KCNIP4: variants seen among roughly 807,000 people sequenced by gnomAD.
KCNIP4 encodes the protein potassium voltage-gated channel interacting protein 4, also known as Kv channel-interacting protein 4.
In KCNIP4, 12 loss-of-function variants were observed where a neutral mutation model predicts 34.0. That is an observed-to-expected ratio of 0.35 (90% CI 0.23 to 0.57). The LOEUF (loss-of-function observed/expected upper bound fraction) is 0.57, where lower values mean the gene tolerates loss of function less well. Ranked by LOEUF, KCNIP4 falls within the 20% of genes least tolerant of loss-of-function variation. The probability of loss-of-function intolerance (pLI) is 0.83; values close to 1 mark genes in which losing one functional copy is unlikely to be tolerated. For synonymous variants in KCNIP4, 124 were observed against 102.2 expected, an observed-to-expected ratio of 1.21 and a Z score of -1.29; for missense variants, 238 against 311.7, an observed-to-expected ratio of 0.76 and a Z score of 1.78.
chr4:20,937,562 A>T (rs1048764099), intron 1 of KCNIP4, among the ~76,000 whole-genome samples: 1 of 152,070 alleles, frequency 6.6e-6, no homozygotes, highest in Non-Finnish European at 1.5e-5. Context: ...AGCTTTTGAT[A>T]TTTGATACTG....
intron 1 of KCNIP4, among the ~76,000 whole-genome samples, chr4:21,548,567 C>T (rs2109011674): frequency 7.5e-6 from 1 of 133,456 alleles, no homozygotes; most frequent in East Asian, 2.2e-4. Context: ...GTTCTATTCA[C>T]TCTGAAGTCT....
At chr4:20,981,666 T>C (rs1736080002) in intron 1 of KCNIP4, among the ~76,000 whole-genome samples, 1 of 152,226 alleles carries the variant, frequency 6.6e-6, no homozygotes, top group African/African-American at 2.4e-5. Context: ...TAGTATTTCC[T>C]AACATGTATT....
At chr4:21,428,032 G>T (rs1179158422) in intron 1 of KCNIP4, among the ~76,000 whole-genome samples, 1 of 152,134 alleles carries the variant, frequency 6.6e-6, no homozygotes, top group South Asian at 2.1e-4. Context: ...GTAAAGGAGA[G>T]AGTATTTTTT....
At chr4:21,890,820 G>C (rs975911737) in intron 1 of KCNIP4, among the ~76,000 whole-genome samples, 4 of 152,114 alleles carry the variant, frequency 2.6e-5, no homozygotes, top group Non-Finnish European at 4.4e-5. Context: ...TTTCAATAGT[G>C]ATGGTACAAT....
At chr4:20,913,076 C>T (rs1027194635) in intron 1 of KCNIP4, among the ~76,000 whole-genome samples, 4 of 152,008 alleles carry the variant, frequency 2.6e-5, no homozygotes, top group Non-Finnish European at 4.4e-5. Flanking sequence ...AAAACTTGTA[C>T]ACAAATGTTC....
intron 1 of KCNIP4, among the ~76,000 whole-genome samples, chr4:21,383,069 T>C (rs888347683): frequency 6.6e-6 from 1 of 152,152 alleles, no homozygotes; most frequent in African/African-American, 2.4e-5. Context: ...AGAAGAAATC[T>C]GGACACATAA....
At chr4:21,438,116 A>G (rs1210356309) in intron 1 of KCNIP4, among the ~76,000 whole-genome samples, 1 of 152,114 alleles carries the variant, frequency 6.6e-6, no homozygotes, top group South Asian at 2.1e-4. Flanking sequence ...TTAAAGGCAA[A>G]GTTTCTGTCT....
intron 1 of KCNIP4, among the ~76,000 whole-genome samples, chr4:21,448,964 C>T (rs1202668218): frequency 3.3e-5 from 5 of 152,178 alleles, no homozygotes; most frequent in Non-Finnish European, 1.5e-5. Flanking sequence ...GGTTATTGGA[C>T]TTCCAAATTC....
At chr4:20,928,072 C>A (rs1730074031) in intron 1 of KCNIP4, among the ~76,000 whole-genome samples, 1 of 151,870 alleles carries the variant, frequency 6.6e-6, no homozygotes, top group African/African-American at 2.4e-5. Context: ...ACACAAAGAA[C>A]AATTAGAGGC....
intron 1 of KCNIP4, among the ~76,000 whole-genome samples, chr4:21,358,643 C>T (rs893770502): frequency 6.6e-6 from 1 of 151,900 alleles, no homozygotes; most frequent in Non-Finnish European, 1.5e-5. Context: ...GAGATTTGAA[C>T]AGTGTGAAAG....
intron 1 of KCNIP4, among the ~76,000 whole-genome samples, chr4:21,206,526 T>C (rs1756864181): frequency 6.6e-6 from 1 of 152,130 alleles, no homozygotes. Flanking sequence ...TTCACTCTAT[T>C]GGATGGGGGA....
At chr4:20,790,930 G>A (rs1348490659) in intron 3 of KCNIP4, among the ~76,000 whole-genome samples, 1 of 152,100 alleles carries the variant, frequency 6.6e-6, no homozygotes, top group Admixed American at 6.6e-5. Context: ...AAAGAAAGAT[G>A]GCTTATTTTG....
chr4:21,423,485 T>C (rs1224013764), intron 1 of KCNIP4, among the ~76,000 whole-genome samples: 3 of 152,232 alleles, frequency 2.0e-5, no homozygotes, highest in African/African-American at 7.2e-5. Flanking sequence ...ACAAAGAAGC[T>C]GCCTTCTATA....
chr4:21,500,729 C>T (rs1361370449), intron 1 of KCNIP4, among the ~76,000 whole-genome samples: 2 of 152,094 alleles, frequency 1.3e-5, no homozygotes, highest in Non-Finnish European at 2.9e-5. Context: ...ACATGTGACT[C>T]TTCATATGAG....
At chr4:20,973,476 C>G (rs1735173027) in intron 1 of KCNIP4, among the ~76,000 whole-genome samples, 1 of 152,142 alleles carries the variant, frequency 6.6e-6, no homozygotes, top group Non-Finnish European at 1.5e-5. Flanking sequence ...ATCCCTAAAA[C>G]TTTCTCCATA....
chr4:21,267,402 G>A (rs945584323), intron 1 of KCNIP4, among the ~76,000 whole-genome samples: 3 of 151,904 alleles, frequency 2.0e-5, no homozygotes, highest in South Asian at 2.1e-4. Context: ...AGGAGTGGTG[G>A]GAGAGGGCAT....
chr4:21,149,484 T>A (rs1752609705), intron 1 of KCNIP4, among the ~76,000 whole-genome samples: 1 of 152,172 alleles, frequency 6.6e-6, no homozygotes, highest in African/African-American at 2.4e-5. Flanking sequence ...GACAGCAATG[T>A]CTGCAGAAGT....
intron 1 of KCNIP4, among the ~76,000 whole-genome samples, chr4:20,967,005 A>C (rs1734415612): frequency 6.6e-6 from 1 of 152,178 alleles, no homozygotes; most frequent in African/African-American, 2.4e-5. Context: ...CATTTCTGGA[A>C]AAATTTGACC....
chr4:20,773,962 CCTT>C (rs1187352792), intron 3 of KCNIP4, among the ~76,000 whole-genome samples: 2 of 152,170 alleles, frequency 1.3e-5, no homozygotes, highest in Non-Finnish European at 2.9e-5. Context: ...AGTCTGAAAA[CCTT>C]CTGAAATTGT....
Sources: gnomAD v4.1 joint callset for allele counts (sites outside exome capture counted in the v4.1 genomes callset) on GRCh38, gnomAD v4.1.1 for gene constraint, MANE v1.5 for transcripts, NCBI Gene and HGNC (gene_info 2026-07-23, HGNC 2026-07-21) for gene names.